Variants in IREB2 observed in about 807,000 individuals in gnomAD.
The protein encoded by IREB2 is iron-responsive element-binding protein 2.
Under a neutral mutation model 118.8 loss-of-function variants are expected in IREB2, and 39 were observed. The ratio of observed to expected loss-of-function variants is 0.33; its 90% CI spans 0.25 to 0.43. IREB2 has a LOEUF of 0.43. Among genes scored for constraint, IREB2 ranks in the 20% least tolerant of loss-of-function variants. The pLI, the probability that IREB2 is intolerant of heterozygous loss-of-function variation, is 1.00. For synonymous variants in IREB2, 372 were observed against 392.2 expected, an observed-to-expected ratio of 0.95 and a Z score of 0.61; for missense variants, 900 against 1,147.3, an observed-to-expected ratio of 0.78 and a Z score of 3.11.
At position 78,473,115 on chromosome 15, in the gene IREB2, T is replaced by C. The variant is rs189715916; in HGVS notation, c.884-127T>C. 94 of 814,986 alleles carry C rather than the reference T, an allele frequency of 1.2e-4. 1 individual carries two copies. The East Asian group carries it at 2.4e-3, about 21-fold the overall frequency. The allele number at this position is 814,986 out of a possible 1,614,324, so 50.5% of individuals were successfully genotyped here. A position where few individuals can be genotyped will look rare whatever the true frequency, so the allele number is the denominator to read the frequency against. On this transcript the variant is annotated intron_variant, in intron 7 of 21. Transcript: ENST00000258886. ...GCCTTGGGTTCAGTGTCCACATTAA[T>C]AGCAATATAGCAACTCTGCAAAGTA...
At chr15:78,452,540 A>G (rs186970343) in intron 2 of IREB2, among the ~76,000 whole-genome samples, 4 of 152,242 alleles carry the variant, frequency 2.6e-5, no homozygotes, top group Non-Finnish European at 5.9e-5. Flanking sequence ...AACTCTGAGG[A>G]ACTCCTACAT....
intron 14 of IREB2, 152 bp from the exon 15 acceptor site, chr15:78,488,028 T>C (rs1049734573): frequency 4.2e-6 from 3 of 709,554 alleles, no homozygotes; most frequent in African/African-American, 3.6e-5. Context: ...TTTAGTTTAT[T>C]TGCAAGATGC....
intron 20 of IREB2, among the ~76,000 whole-genome samples, chr15:78,495,750 TA>T (rs1261911048): frequency 6.6e-6 from 1 of 151,992 alleles, no homozygotes; most frequent in African/African-American, 2.4e-5. Context: ...CCTCAGGTGG[TA>T]AAAAAAATTC....
At chr15:78,447,643 T>A (rs1027565842) in intron 2 of IREB2, among the ~76,000 whole-genome samples, 8 of 152,116 alleles carry the variant, frequency 5.3e-5, no homozygotes, top group African/African-American at 1.2e-4. Flanking sequence ...ATTTTTTTTT[T>A]ATCTTTTATA....
At chr15:78,487,013 A>T (rs921104659) in intron 13 of IREB2, among the ~76,000 whole-genome samples, 1 of 152,224 alleles carries the variant, frequency 6.6e-6, no homozygotes, top group Non-Finnish European at 1.5e-5. Context: ...TGAGTCATCA[A>T]TTCCATTGCA....
At chr15:78,471,162 C>T (rs1366680893) in intron 6 of IREB2, among the ~76,000 whole-genome samples, 6 of 151,790 alleles carry the variant, frequency 4.0e-5, no homozygotes, top group African/African-American at 1.5e-4. Context: ...CAGATGTGCA[C>T]CACTGCCTGG....
Position 78,497,146 on chromosome 15 carries a change from C to G in IREB2, c.2616C>G (p.Ala872=). Residue 872 remains alanine, a synonymous_variant, in exon 21 of 22, where the codon GCC becomes GCG. Transcript: ENST00000258886. ...TACAGGGTGTGAAAGCTGTTTTGGC[C>G]GAAAGTTATGAAAAAATACACAAAG... The part of the protein sequence containing the change: ...PYLLGVKAVL[A]ESYEKIHKDH... 6.2e-7 allele frequency: 1 copy of G among 1,612,776 alleles called. No homozygotes were observed. The highest frequency in any genetic ancestry group is 8.5e-7 in the Non-Finnish European group (1 of 1,179,174).
intron 8 of IREB2, chr15:78,475,861 GAA>G (rs2051460624): frequency 6.0e-6 from 1 of 167,208 alleles, no homozygotes; most frequent in African/African-American, 2.4e-5. Context: ...CTAAAAGAAA[GAA>G]AGAAAAAGGG....
chr15:78,477,097 T>C (rs1287321041), intron 9 of IREB2, among the ~76,000 whole-genome samples: 1 of 152,212 alleles, frequency 6.6e-6, no homozygotes, highest in Non-Finnish European at 1.5e-5. Context: ...AATGGTTATA[T>C]AGAATCCTGG....
In IREB2 at chr15:78,485,739, G is replaced by C; in HGVS notation, c.1608G>C (p.Leu536=). 1 of 1,613,916 alleles carries C rather than the reference G, an allele frequency of 6.2e-7. No individual in the cohort carries two copies. Among genetic ancestry groups the C allele is most frequent in the Non-Finnish European group, 8.5e-7 (1 of 1,179,880 alleles). The change falls in exon 13 of 22, where the codon CTG becomes CTC. Residue 536 remains leucine (L), a synonymous_variant. Transcript: ENST00000258886. The part of the protein sequence containing the change: ...LLAKKAVEAG[L]RVKPYIRTSL... ...CTAAAAAGGCTGTTGAAGCTGGTCT[G>C]CGTGTTAAACCTTATATAAGAACAA...
chr15:78,462,519 T>C (rs2051214152), intron 2 of IREB2, among the ~76,000 whole-genome samples: 1 of 152,244 alleles, frequency 6.6e-6, no homozygotes. Context: ...TACAGACATT[T>C]ATACAGTTTA....
In IREB2 at chr15:78,473,271, A is replaced by G; in HGVS notation, c.913A>G (p.Met305Val). 3.1e-6 allele frequency: 5 copies of G among 1,614,052 alleles called. No individual in the cohort carries two copies. The Middle Eastern group carries it at 4.9e-4, about 160-fold the overall frequency. Reference protein sequence around the residue: ...GVGGIETEAVMLGLPVSLTLP... With the variant: ...GVGGIETEAVVLGLPVSLTLP... Reference sequence around the variant, plus strand: ...TGGAGGCATTGAAACAGAAGCAGTTATGCTTGGTCTGCCAGTTTCTCTTAC... The same window carrying G: ...TGGAGGCATTGAAACAGAAGCAGTTGTGCTTGGTCTGCCAGTTTCTCTTAC... Residue 305 changes from methionine (M) to valine (V), a missense_variant, in exon 8 of 22, where the codon ATG (methionine) becomes GTG (valine). Met to Val is a conservative substitution (Grantham distance 21). Transcript: ENST00000258886.
chr15:78,443,525 G>T (rs866064334), intron 2 of IREB2, among the ~76,000 whole-genome samples: 1 of 151,810 alleles, frequency 6.6e-6, no homozygotes, highest in African/African-American at 2.4e-5. Context: ...TATACTCAGG[G>T]TATCTCTATG....
chr15:78,443,614 A>AT (rs1249955329), intron 2 of IREB2, among the ~76,000 whole-genome samples: 2 of 149,122 alleles, frequency 1.3e-5, no homozygotes, highest in African/African-American at 2.5e-5. Flanking sequence ...TTGTTTTTTT[A>AT]TTTTTTGTGG....
chr15:78,475,017 T>TGCAGTCC (rs1377867167), intron 8 of IREB2: 13 of 131,022 alleles, frequency 9.9e-5, no homozygotes, highest in African/African-American at 3.9e-4. Flanking sequence ...ATTGCGCCAC[T>TGCAGTCC]GCAGTCCGCA....
chr15:78,463,530 G>GGTTAGTTTATAAACTTAAAAAT (rs2051232360), intron 3 of IREB2, among the ~76,000 whole-genome samples: 1 of 151,600 alleles, frequency 6.6e-6, no homozygotes, highest in African/African-American at 2.4e-5. Flanking sequence ...GTTTTTTTAA[G>GGTTAGTTTATAAACTTAAAAAT]GTTAGTTTAT....
chr15:78,439,051 C>G (rs998324531), intron 1 of IREB2, among the ~76,000 whole-genome samples: 2 of 152,150 alleles, frequency 1.3e-5, no homozygotes, highest in African/African-American at 4.8e-5. Flanking sequence ...CACAAAAGAT[C>G]TGAAGGTTCT....
At position 78,488,184 on chromosome 15, in the gene IREB2, A is replaced by T; in HGVS notation, c.1799A>T (p.Asp600Val). The T allele has an allele frequency of 6.2e-7, 1 of 1,603,858 alleles. No individual in the cohort carries two copies. The highest frequency in any genetic ancestry group is 8.5e-7 in the Non-Finnish European group (1 of 1,176,806). Reference protein sequence around the residue: ...DAVLNAVKQGDLVTCGILSGN... With the variant: ...DAVLNAVKQGVLVTCGILSGN... ...GTGTGTTTGTGTTTTTTTCAGGGTG[A>T]TTTGGTTACCTGTGGAATTTTATCT... Residue 600 changes from aspartate to valine, a missense_variant, in exon 15 of 22, where the codon GAT becomes GTT. Coordinates refer to ENST00000258886, the MANE Select transcript of IREB2 (RefSeq NM_004136.4).
intron 2 of IREB2, among the ~76,000 whole-genome samples, chr15:78,453,919 C>T (rs1193696895): frequency 6.6e-6 from 1 of 152,194 alleles, no homozygotes; most frequent in Non-Finnish European, 1.5e-5. Flanking sequence ...GCCAGTTTCT[C>T]TGCGTTGATG....
Sources: gnomAD v4.1 joint callset for allele counts (sites outside exome capture counted in the v4.1 genomes callset) on GRCh38, gnomAD v4.1.1 for gene constraint, MANE v1.5 for transcripts, NCBI Gene and HGNC (gene_info 2026-07-23, HGNC 2026-07-21) for gene names.